Variants in SLC25A21 observed in about 807,000 individuals in gnomAD.
SLC25A21 encodes the protein mitochondrial 2-oxodicarboxylate carrier.
A neutral mutation model predicts 43.8 loss-of-function variants in SLC25A21; 47 were observed. The observed-to-expected ratio is 1.07, with a 90% CI of 0.85 to 1.37. The LOEUF is 1.37. SLC25A21 is among the 40% of genes most tolerant of loss of function. SLC25A21 has a pLI of 0.00. For missense variants in SLC25A21, 352 were observed against 350.2 expected, an observed-to-expected ratio of 1.00 and a Z score of -0.04; for synonymous variants, 131 against 121.3, an observed-to-expected ratio of 1.08 and a Z score of -0.52.
intron 2 of SLC25A21, among the ~76,000 whole-genome samples, chr14:36,847,385 C>G (rs889147181): frequency 6.6e-6 from 1 of 152,210 alleles, no homozygotes; most frequent in African/African-American, 2.4e-5. Flanking sequence ...CTGGCCCTAA[C>G]AGTCATTGGT....
intron 6 of SLC25A21, among the ~76,000 whole-genome samples, chr14:36,718,623 G>C (rs1884246238): frequency 6.6e-6 from 1 of 152,110 alleles, no homozygotes; most frequent in Admixed American, 6.5e-5. Flanking sequence ...CTTCTATGGA[G>C]AACATACTAA....
At chr14:37,058,161 C>T (rs1961870701) in intron 1 of SLC25A21, among the ~76,000 whole-genome samples, 1 of 152,174 alleles carries the variant, frequency 6.6e-6, no homozygotes, top group South Asian at 2.1e-4. Context: ...GTTTTCTGCA[C>T]TTATTCAGAT....
At chr14:36,899,534 G>C (rs1891342919) in intron 1 of SLC25A21, among the ~76,000 whole-genome samples, 1 of 152,186 alleles carries the variant, frequency 6.6e-6, no homozygotes, top group South Asian at 2.1e-4. Flanking sequence ...AGTGTGCAGA[G>C]ACCAGGGCCA....
chr14:36,898,657 T>C (rs848691), intron 1 of SLC25A21, among the ~76,000 whole-genome samples: 37,533 of 152,060 alleles, frequency 0.25, 5,524 homozygotes, highest in East Asian at 0.58. Flanking sequence ...GAGCTGTTCC[T>C]ATTCAGCCAT....
chr14:36,944,013 A>G (rs983228953), intron 1 of SLC25A21, among the ~76,000 whole-genome samples: 3 of 152,086 alleles, frequency 2.0e-5, no homozygotes, highest in Admixed American at 2.0e-4. Context: ...GGCCTAATTC[A>G]CTCCAAGAAA....
intron 2 of SLC25A21, among the ~76,000 whole-genome samples, chr14:36,849,689 C>T (rs1889662543): frequency 6.6e-6 from 1 of 151,884 alleles, no homozygotes; most frequent in African/African-American, 2.4e-5. Context: ...TGAAGCTGTG[C>T]CAATATTTGA....
chr14:36,729,662 C>T (rs908804388), intron 4 of SLC25A21, 96 bp from the exon 5 acceptor site: 6 of 1,020,146 alleles, frequency 5.9e-6, no homozygotes, highest in Non-Finnish European at 8.6e-6. Flanking sequence ...TTATGTTAAC[C>T]AGCATTTCAA....
intron 1 of SLC25A21, among the ~76,000 whole-genome samples, chr14:37,156,562 C>T (rs1963854084): frequency 6.6e-6 from 1 of 151,886 alleles, no homozygotes; most frequent in Non-Finnish European, 1.5e-5. Flanking sequence ...CACATATAGA[C>T]TAAAAGTAAA....
chr14:36,762,876 T>TAGGCTAATACGTCA lies in SLC25A21; in HGVS notation c.204-28304_204-28303insTGACGTATTAGCCT, dbSNP rs1886216444. On this transcript the variant is annotated intron_variant, in intron 3 of 9. Coordinates refer to ENST00000331299, the MANE Select transcript of SLC25A21 (RefSeq NM_030631.4). Reference sequence around the variant, plus strand: ...CCTATCTCTCTAGCACAAAGCAGAGTTTAAGAATACGTCATTATCTTGAAT... The same window carrying TAGGCTAATACGTCA: ...CCTATCTCTCTAGCACAAAGCAGAGTAGGCTAATACGTCATTAAGAATACGTCATTATCTTGAAT... Among the ~76,000 whole-genome samples the TAGGCTAATACGTCA allele has an allele frequency of 3.3e-5, 5 of 152,236 alleles. No homozygotes were observed. In the South Asian group the frequency reaches 1.0e-3, roughly 32 times the overall value.
At position 36,876,883 on chromosome 14, in the gene SLC25A21, C is replaced by T. The variant is rs1352623659; in HGVS notation, c.71-1879G>A. The stretch of plus-strand genomic sequence containing the variant: ...GAAATGAGGTCATGAGGGTCTTGCC[C>T]CCATGATGGGATTATAGATAGATAG... On this transcript the variant is annotated intron_variant, in intron 1 of 9. Transcript: ENST00000331299. Among the ~76,000 whole-genome samples, 5 of 138,142 alleles carry T rather than the reference C, an allele frequency of 3.6e-5. No homozygotes were observed. In the Admixed American group the frequency reaches 3.7e-4, roughly 10 times the overall value. 90.6% of individuals were successfully genotyped at this position (138,142 alleles called of 152,430 possible).
chr14:37,133,143 GCACACACACACACA>G (rs33962615), intron 1 of SLC25A21, among the ~76,000 whole-genome samples: 6 of 148,080 alleles, frequency 4.1e-5, no homozygotes, highest in African/African-American at 1.5e-4. Flanking sequence ...GTGCACTCGT[GCACACACACACACA>G]CACACACACA....
intron 1 of SLC25A21, among the ~76,000 whole-genome samples, chr14:36,897,519 G>A (rs1252209417): frequency 6.6e-6 from 1 of 152,114 alleles, no homozygotes; most frequent in Non-Finnish European, 1.5e-5. Context: ...ATCGTCTGAA[G>A]CCTTCTTCTC....
At chr14:37,082,595 G>C (rs7147703) in intron 1 of SLC25A21, among the ~76,000 whole-genome samples, 22,222 of 151,994 alleles carry the variant, frequency 0.15, 5,338 homozygotes, top group African/African-American at 0.5. Context: ...ATATATAAAT[G>C]TCCTAGCGCA....
intron 1 of SLC25A21, among the ~76,000 whole-genome samples, chr14:36,881,870 C>T (rs933213719): frequency 1.3e-5 from 2 of 152,092 alleles, no homozygotes; most frequent in African/African-American, 4.8e-5. Flanking sequence ...AAGTAGTAGC[C>T]ATAAACATAA....
At chr14:37,146,491 C>A (rs546472820) in intron 1 of SLC25A21, among the ~76,000 whole-genome samples, 1 of 152,176 alleles carries the variant, frequency 6.6e-6, no homozygotes, top group African/African-American at 2.4e-5. Context: ...AAGAGATCCG[C>A]CTGACTTGGC....
At chr14:36,984,169 G>A (rs1040178184) in intron 1 of SLC25A21, among the ~76,000 whole-genome samples, 2 of 152,056 alleles carry the variant, frequency 1.3e-5, no homozygotes, top group Non-Finnish European at 2.9e-5. Flanking sequence ...TAACAGCAAC[G>A]ACAACAAAAT....
At chr14:37,062,365 G>A (rs749608921) in intron 1 of SLC25A21, among the ~76,000 whole-genome samples, 8 of 152,026 alleles carry the variant, frequency 5.3e-5, no homozygotes, top group Non-Finnish European at 7.4e-5. Context: ...TAAACTGCAG[G>A]CATCATGCTG....
intron 3 of SLC25A21, among the ~76,000 whole-genome samples, chr14:36,772,963 T>G (rs773333641): frequency 9.2e-5 from 14 of 152,212 alleles, no homozygotes; most frequent in Non-Finnish European, 8.8e-5. Context: ...ATTTTCACTA[T>G]GAACTGGCTT....
At chr14:36,828,696 G>A (rs848058) in intron 2 of SLC25A21, 130,297 of 152,160 alleles carry the variant, frequency 0.86, 56,906 homozygotes, top group Non-Finnish European at 0.95. Flanking sequence ...ATTGTACTGT[G>A]ACTCTGCCTC....
Sources: allele counts gnomAD v4.1 joint callset (sites outside exome capture counted in the v4.1 genomes callset), GRCh38; gene constraint gnomAD v4.1.1; transcripts MANE v1.5; gene names NCBI Gene and HGNC (gene_info 2026-07-23, HGNC 2026-07-21).